The following LYPD6 variants were observed in gnomAD, a reference collection of about 807,000 sequenced individuals.
The protein encoded by LYPD6 is LY6/PLAUR domain containing 6.
Under a neutral mutation model 22.7 loss-of-function variants are expected in LYPD6, and 15 were observed. That is an observed-to-expected ratio of 0.66 (90% CI 0.44 to 1.02). The LOEUF is 1.02. Among genes scored for constraint, LYPD6 ranks in the 50% least tolerant of loss-of-function variants. The probability of loss-of-function intolerance (pLI) is 0.00; values close to 1 mark genes in which losing one functional copy is unlikely to be tolerated. For missense variants in LYPD6, 189 were observed against 208.4 expected (o/e 0.91, Z 0.57); for synonymous variants, 72 against 77.5 (o/e 0.93, Z 0.37).
At chr2:149,464,753 G>A (rs1681164500) in intron 3 of LYPD6, among the ~76,000 whole-genome samples, 1 of 152,132 alleles carries the variant, frequency 6.6e-6, no homozygotes, top group South Asian at 2.1e-4. Context: ...CGGAATTGAG[G>A]AAATGGAAAA....
chr2:149,404,054 A>G (rs1033071080), intron 1 of LYPD6, among the ~76,000 whole-genome samples: 9 of 151,984 alleles, frequency 5.9e-5, no homozygotes, highest in African/African-American at 1.9e-4. Context: ...GATATGCGCC[A>G]TTATTTCTGA....
chr2:149,379,452 A>T (rs1337249433), intron 1 of LYPD6, among the ~76,000 whole-genome samples: 3 of 152,264 alleles, frequency 2.0e-5, no homozygotes, highest in African/African-American at 7.2e-5. Flanking sequence ...AGGATGCTCA[A>T]TTCCTGGAAT....
intron 1 of LYPD6, among the ~76,000 whole-genome samples, chr2:149,431,543 A>G (rs1683312017): frequency 6.6e-6 from 1 of 152,192 alleles, no homozygotes; most frequent in Non-Finnish European, 1.5e-5. Flanking sequence ...TAATAGAGTG[A>G]GTGGTGCTTC....
At chr2:149,468,539 G>A in intron 3 of LYPD6, 106 bp from the exon 4 acceptor site, 2 of 1,290,234 alleles carry the variant, frequency 1.6e-6, no homozygotes, top group Non-Finnish European at 2.2e-6. Context: ...CATCTTATGT[G>A]CTATTAGCTC....
intron 1 of LYPD6, among the ~76,000 whole-genome samples, chr2:149,353,650 G>T (rs1326413368): frequency 1.3e-5 from 2 of 152,046 alleles, no homozygotes; most frequent in African/African-American, 4.8e-5. Flanking sequence ...TTTTAAAGAT[G>T]AATTACTTGA....
At position 149,398,306 on chromosome 2, in the gene LYPD6, T is replaced by C. The variant is rs1682470710; in HGVS notation, c.-71-39332T>C. Among the ~76,000 whole-genome samples the C allele has an allele frequency of 2.0e-5, 3 of 152,182 alleles. No individual in the cohort carries two copies. In the South Asian group the frequency reaches 6.2e-4, roughly 32 times the overall value. ...CTCTATTATTTGCTTGGCTGTGATA[T>C]GACAATTGCCTTTTCATGGGAAGAT... On this transcript the variant is annotated intron_variant, in intron 1 of 4. Transcript: ENST00000334166.
At chr2:149,482,199 C>A in the LYPD6 span, among the ~76,000 whole-genome samples, 7 of 152,270 alleles carry the variant, frequency 4.6e-5, no homozygotes, top group Admixed American at 4.6e-4. Context: ...AATTTTGCCA[C>A]ATTTGACTTA....
chr2:149,450,050 TAAAGG>T (rs757295406), intron 3 of LYPD6, among the ~76,000 whole-genome samples: 1 of 152,106 alleles, frequency 6.6e-6, no homozygotes, highest in Non-Finnish European at 1.5e-5. Flanking sequence ...AAACCAAAAT[TAAAGG>T]AAACATGTCA....
downstream of LYPD6, among the ~76,000 whole-genome samples, chr2:149,476,025 A>C (rs1681445801): frequency 6.6e-6 from 1 of 152,186 alleles, no homozygotes; most frequent in African/African-American, 2.4e-5. Context: ...GAACCTTAGA[A>C]AACATCTAGT....
intron 2 of LYPD6, among the ~76,000 whole-genome samples, chr2:149,438,580 T>A (rs1683487575): frequency 6.6e-6 from 1 of 152,248 alleles, no homozygotes; most frequent in Non-Finnish European, 1.5e-5. Flanking sequence ...TGCCCCAAGG[T>A]GCATTACTCT....
At chr2:149,369,716 GT>G (rs1559127386) in intron 1 of LYPD6, among the ~76,000 whole-genome samples, 1 of 152,320 alleles carries the variant, frequency 6.6e-6, no homozygotes, top group South Asian at 2.1e-4. Context: ...GAGGGAGGAA[GT>G]GGTCCACTGT....
intron 1 of LYPD6, among the ~76,000 whole-genome samples, chr2:149,421,196 G>C (rs1232160117): frequency 6.6e-6 from 1 of 152,018 alleles, no homozygotes; most frequent in East Asian, 1.9e-4. Flanking sequence ...AGGAGTTTGA[G>C]ACCAGCCTGG....
At chr2:149,427,245 T>C (rs1293412637) in intron 1 of LYPD6, among the ~76,000 whole-genome samples, 1 of 152,226 alleles carries the variant, frequency 6.6e-6, no homozygotes, top group African/African-American at 2.4e-5. Flanking sequence ...ACTACTATAT[T>C]GTTTCTGAGT....
chr2:149,425,686 G>A (rs887986851), intron 1 of LYPD6, among the ~76,000 whole-genome samples: 1 of 152,082 alleles, frequency 6.6e-6, no homozygotes, highest in Non-Finnish European at 1.5e-5. Context: ...ATTATTTATA[G>A]AGACTTATAA....
intron 2 of LYPD6, among the ~76,000 whole-genome samples, chr2:149,448,788 G>A (rs534047221): frequency 2.6e-5 from 4 of 152,178 alleles, no homozygotes; most frequent in Non-Finnish European, 5.9e-5. Context: ...GAAGGACATC[G>A]AGGATATTTC....
At chr2:149,382,979 C>G (rs1326377206) in intron 1 of LYPD6, among the ~76,000 whole-genome samples, 1 of 152,042 alleles carries the variant, frequency 6.6e-6, no homozygotes, top group African/African-American at 2.4e-5. Context: ...TTTCAAATGT[C>G]AATATCTGGT....
chr2:149,378,026 C>T (rs1458910965), intron 1 of LYPD6, among the ~76,000 whole-genome samples: 1 of 152,176 alleles, frequency 6.6e-6, no homozygotes, highest in East Asian at 1.9e-4. Context: ...CTATGCACCC[C>T]CTAAAGCTGG....
intron 2 of LYPD6, among the ~76,000 whole-genome samples, chr2:149,448,330 A>T (rs1683732033): frequency 6.6e-6 from 1 of 152,172 alleles, no homozygotes; most frequent in African/African-American, 2.4e-5. Flanking sequence ...ACTATAGCAT[A>T]ATACCACAAC....
intron 1 of LYPD6, among the ~76,000 whole-genome samples, chr2:149,435,801 G>A (rs1683417625): frequency 6.6e-6 from 1 of 152,170 alleles, no homozygotes; most frequent in Admixed American, 6.5e-5. Flanking sequence ...AGATGGCGTA[G>A]TGAGCATGAA....
Sources: gnomAD v4.1 joint callset for allele counts (sites outside exome capture counted in the v4.1 genomes callset) on GRCh38, gnomAD v4.1.1 for gene constraint, MANE v1.5 for transcripts, NCBI Gene and HGNC (gene_info 2026-07-23, HGNC 2026-07-21) for gene names.